Variants in UVSSA observed in about 807,000 individuals in gnomAD.
UVSSA encodes UV stimulated scaffold protein A, also known as UV-stimulated scaffold protein A.
Under a neutral mutation model 73.9 loss-of-function variants are expected in UVSSA, and 72 were observed. The observed-to-expected ratio is 0.97, with a 90% CI of 0.81 to 1.19. The LOEUF (loss-of-function observed/expected upper bound fraction) is 1.19. Ranked by LOEUF, UVSSA falls within the 50% of genes most tolerant of loss-of-function variation. The pLI, the probability that UVSSA is intolerant of heterozygous loss-of-function variation, is 0.00. For missense variants in UVSSA, 1,150 were observed against 965.0 expected, an observed-to-expected ratio of 1.19 and a Z score of -2.54; for synonymous variants, 454 against 391.3, an observed-to-expected ratio of 1.16 and a Z score of -1.89.
chr4:1,356,223 G>A (rs773264982), intron 7 of UVSSA, among the ~76,000 whole-genome samples: 6 of 152,120 alleles, frequency 3.9e-5, no homozygotes, highest in Non-Finnish European at 5.9e-5. Flanking sequence ...GTGACACTGT[G>A]CTCCTTGCTG....
intron 7 of UVSSA, among the ~76,000 whole-genome samples, chr4:1,356,377 C>T (rs574286100): frequency 4.1e-4 from 63 of 152,286 alleles, no homozygotes; most frequent in Admixed American, 1.4e-3. Context: ...GTGCAGCCCC[C>T]CCAGGGGCCA....
chr4:1,368,317 C>T (rs1240035250), intron 8 of UVSSA, among the ~76,000 whole-genome samples: 2 of 152,234 alleles, frequency 1.3e-5, no homozygotes, highest in East Asian at 1.9e-4. Context: ...TGACGTGTGG[C>T]GTCTCAAAAG....
chr4:1,368,175 T>A lies in UVSSA; in HGVS notation c.1288+1744T>A, dbSNP rs578120176. On this transcript the variant is annotated intron_variant, in intron 8 of 13. Coordinates refer to ENST00000389851, the MANE Select transcript of UVSSA (RefSeq NM_020894.4). ...TCATCTCCCGGACCCCTCCTGGGCATCTTCAGAGTCTGGGAGCTGGCACTG... is the reference window on the plus strand; with the variant it reads ...TCATCTCCCGGACCCCTCCTGGGCAACTTCAGAGTCTGGGAGCTGGCACTG... Among the ~76,000 whole-genome samples, 8 of 152,352 alleles carry A rather than the reference T, an allele frequency of 5.3e-5. No individual in the cohort carries two copies. The East Asian group carries it at 1.5e-3, about 29-fold the overall frequency.
intron 8 of UVSSA, among the ~76,000 whole-genome samples, chr4:1,367,703 C>T (rs1577339365): frequency 6.6e-6 from 1 of 152,136 alleles, no homozygotes; most frequent in African/African-American, 2.4e-5. Flanking sequence ...CCATTCCGGA[C>T]CAGGGTCCTG....
exon 14 of UVSSA, chr4:1,393,961 T>A (rs1461539991): frequency 5.1e-6 from 1 of 197,990 alleles, no homozygotes; most frequent in Non-Finnish European, 1.0e-5. Context: ...CACCAGTAAC[T>A]CTCACGGTTC....
chr4:1,374,017 C>T (rs572063461), intron 8 of UVSSA, among the ~76,000 whole-genome samples: 1 of 152,360 alleles, frequency 6.6e-6, no homozygotes, highest in South Asian at 2.1e-4. Flanking sequence ...GCTGCCAGTT[C>T]GTTTTCTTCC....
At chr4:1,355,019 C>T in intron 6 of UVSSA, 98 bp from the exon 7 acceptor site, 1 of 1,547,896 alleles carries the variant, frequency 6.5e-7, no homozygotes. Flanking sequence ...GTGCCAGGGA[C>T]CCCCCGGGCC....
At chr4:1,360,714 G>T (rs953500942) in intron 7 of UVSSA, among the ~76,000 whole-genome samples, 1 of 152,220 alleles carries the variant, frequency 6.6e-6, no homozygotes, top group African/African-American at 2.4e-5. Context: ...GAGCCCGGGA[G>T]CAAGGACACA....
chr4:1,378,994 A>G (rs1407239456), intron 10 of UVSSA, among the ~76,000 whole-genome samples: 2 of 151,648 alleles, frequency 1.3e-5, no homozygotes, highest in Non-Finnish European at 2.9e-5. Flanking sequence ...AGGCGGCCCC[A>G]GGGCAGGGCC....
exon 14 of UVSSA, chr4:1,395,676 T>A (rs1190727059): frequency 1.9e-6 from 3 of 1,612,496 alleles, no homozygotes; most frequent in Non-Finnish European, 2.5e-6. Flanking sequence ...CTCACACACG[T>A]GCCCATGTGG....
At chr4:1,381,099 C>T (rs911419768) in intron 12 of UVSSA, 111 bp downstream of exon 12, 1 of 1,010,526 alleles carries the variant, frequency 9.9e-7, no homozygotes, top group Non-Finnish European at 1.4e-6. Context: ...CCAGCTTCGT[C>T]CATGGAGCTA....
chr4:1,353,189 C>G lies in UVSSA; in HGVS notation c.710C>G (p.Pro237Arg), dbSNP rs1436557195. 1 of 1,612,852 alleles carries G rather than the reference C, an allele frequency of 6.2e-7. No homozygotes were observed. The highest frequency in any genetic ancestry group is 1.3e-5 in the African/African-American group (1 of 75,068). ...TCCTCCTGCGCGGGCCAGGTGGGCC[C>G]CTGCCGGTCTGGCACCCCTGACCCC... ...LRSSCAGQVG[P>R]CRSGTPDPRD... Residue 237 changes from proline to arginine, a missense_variant, in exon 5 of 14, where the codon CCC becomes CGC. Coordinates refer to ENST00000389851, the MANE Select transcript of UVSSA (RefSeq NM_020894.4).
At chr4:1,380,722 C>T (rs990107412) in intron 11 of UVSSA, 158 bp from the exon 12 acceptor site, 2 of 1,548,632 alleles carry the variant, frequency 1.3e-6, no homozygotes, top group East Asian at 4.9e-5. Context: ...TCAGGACGCC[C>T]TCCTCTGAGG....
chr4:1,349,082 G>A (rs565466455), intron 2 of UVSSA, among the ~76,000 whole-genome samples: 1 of 151,804 alleles, frequency 6.6e-6, no homozygotes, highest in East Asian at 1.9e-4. Flanking sequence ...GGCGGTGGGC[G>A]TTTGTGCCGG....
At chr4:1,360,224 G>A (rs1197283021) in intron 7 of UVSSA, among the ~76,000 whole-genome samples, 1 of 152,222 alleles carries the variant, frequency 6.6e-6, no homozygotes, top group Non-Finnish European at 1.5e-5. Flanking sequence ...TCAGCACAGG[G>A]AACACGGGGA....
At position 1,351,488 on chromosome 4, in the gene UVSSA, C is replaced by G. The variant is rs112256454; in HGVS notation, c.430-227C>G. Among the ~76,000 whole-genome samples, 549 of 151,898 alleles carry G rather than the reference C, an allele frequency of 3.6e-3. 4 individuals are homozygous for G. The highest frequency in any genetic ancestry group is 0.013 in the African/African-American group (531 of 41,398). On this transcript the variant is annotated intron_variant, in intron 3 of 13. Transcript: ENST00000389851. ...GCAAGCTCCGCCTCCCGGGTTCACA[C>G]CATTCTCCTGCCTCAATCTCCCAAG... is the stretch of plus-strand genomic sequence containing the variant.
upstream of UVSSA, among the ~76,000 whole-genome samples, chr4:1,342,673 G>A (rs1210164617): frequency 6.6e-6 from 1 of 152,188 alleles, no homozygotes; most frequent in Non-Finnish European, 1.5e-5. Context: ...GTGAGGAAGA[G>A]CCTGAGGATG....
intron 8 of UVSSA, among the ~76,000 whole-genome samples, chr4:1,372,143 G>A (rs1422596080): frequency 6.6e-6 from 1 of 152,096 alleles, no homozygotes; most frequent in Non-Finnish European, 1.5e-5. Context: ...TTTGGTCACT[G>A]TTTTCGTAGT....
rs764564622 is a variant in UVSSA at position 1,354,791 on chromosome 4, GAC to G, written c.996_997del (p.Leu333GlnfsTer33). On this transcript the variant is annotated frameshift_variant, in exon 6 of 14. Coordinates refer to ENST00000389851, the MANE Select transcript of UVSSA (RefSeq NM_020894.4). LOFTEE classifies it high-confidence loss of function. ...CCTTGCTCTCATCCACGCCGCCCGC[GAC>G]ACACTCAAGCTCATCCGGAACAAGT... ...DNLALIHAAR[D>X]TLKLIRNKFL... The G allele has an allele frequency of 5.0e-6, 8 of 1,613,482 alleles. No homozygotes were observed. The highest frequency in any genetic ancestry group is 2.7e-5 in the African/African-American group (2 of 74,976).
Sources: allele counts gnomAD v4.1 joint callset (sites outside exome capture counted in the v4.1 genomes callset), GRCh38; gene constraint gnomAD v4.1.1; transcripts MANE v1.5; gene names NCBI Gene and HGNC (gene_info 2026-07-23, HGNC 2026-07-21).